PDLIM1: variants seen among roughly 807,000 people sequenced by gnomAD.
PDLIM1 encodes PDZ and LIM domain protein 1.
Under a neutral mutation model 35.2 loss-of-function variants are expected in PDLIM1, and 25 were observed. The observed-to-expected ratio is 0.71, with a 90% confidence interval of 0.52 to 0.99. PDLIM1 has a LOEUF of 0.99. Among genes scored for constraint, PDLIM1 ranks in the 50% least tolerant of loss-of-function variants. PDLIM1 has a pLI of 0.00. For missense variants in PDLIM1, 363 were observed against 415.3 expected (o/e 0.87, Z 1.09); for synonymous variants, 152 against 154.0 (o/e 0.99, Z 0.10).
chr10:95,262,774 G>A (rs574659717), intron 4 of PDLIM1, among the ~76,000 whole-genome samples: 1 of 152,262 alleles, frequency 6.6e-6, no homozygotes, highest in Non-Finnish European at 1.5e-5. Flanking sequence ...GATTCCCAGT[G>A]TTTCTGGATT....
Position 95,247,480 on chromosome 10 carries a change from C to T in PDLIM1, c.534-114G>A. 16 of 831,300 alleles carry T rather than the reference C, an allele frequency of 1.9e-5. No individual in the cohort carries two copies. The Middle Eastern group carries it at 1.6e-3, about 81-fold the overall frequency. The allele number at this position is 831,300 out of a possible 1,614,324, so 51.5% of individuals were successfully genotyped here. The stretch of plus-strand genomic sequence containing the variant: ...TTTGAAGGATGGATAGAAATGATCT[C>T]AAAGCCCTCTCCTAAATCAGCCACA... On this transcript the variant is annotated intron_variant, in intron 4 of 6. Transcript: ENST00000329399.
At chr10:95,267,208 C>T (rs1406258809) in intron 3 of PDLIM1, among the ~76,000 whole-genome samples, 1 of 152,052 alleles carries the variant, frequency 6.6e-6, no homozygotes, top group African/African-American at 2.4e-5. Flanking sequence ...CAGGTAACTA[C>T]AGATTTAAAA....
chr10:95,280,246 G>GCA (rs1441840108), intron 1 of PDLIM1, among the ~76,000 whole-genome samples: 1 of 152,070 alleles, frequency 6.6e-6, no homozygotes, highest in Non-Finnish European at 1.5e-5. Context: ...GTGGTGGCAG[G>GCA]TGCCTGTAAT....
At chr10:95,264,393 G>T (rs578160187) in intron 3 of PDLIM1, among the ~76,000 whole-genome samples, 1 of 152,208 alleles carries the variant, frequency 6.6e-6, no homozygotes, top group Non-Finnish European at 1.5e-5. Context: ...TCAAGTCAGA[G>T]CTAAAACACG....
chr10:95,269,681 C>T (rs1182217403), intron 2 of PDLIM1, among the ~76,000 whole-genome samples: 1 of 151,806 alleles, frequency 6.6e-6, no homozygotes, highest in East Asian at 1.9e-4. Flanking sequence ...TCATTAGTGT[C>T]GTTGTTTCCT....
chr10:95,256,759 G>T (rs1210393619), intron 4 of PDLIM1, among the ~76,000 whole-genome samples: 1 of 151,538 alleles, frequency 6.6e-6, no homozygotes, highest in South Asian at 2.1e-4. Context: ...ATCACTTGAG[G>T]TCAGGAGTTC....
chr10:95,265,963 C>T (rs1259739648), intron 3 of PDLIM1, among the ~76,000 whole-genome samples: 1 of 151,848 alleles, frequency 6.6e-6, no homozygotes, highest in African/African-American at 2.4e-5. Flanking sequence ...CTTTGGAAAG[C>T]CAACGCAAGA....
At chr10:95,263,144 CAAA>C (rs11433635) in intron 4 of PDLIM1, among the ~76,000 whole-genome samples, 22 of 119,608 alleles carry the variant, frequency 1.8e-4, no homozygotes, top group African/African-American at 3.6e-4. Context: ...AAGCTTGTCT[CAAA>C]AAAAAAAAAA....
At position 95,290,896 on chromosome 10, in the gene PDLIM1, T is replaced by G. The variant is rs1020843158; in HGVS notation, c.20A>C (p.Asp7Ala). 1.4e-5 allele frequency: 22 copies of G among 1,560,878 alleles called. No individual in the cohort carries two copies. Among genetic ancestry groups the G allele is most frequent in the Non-Finnish European group, 1.8e-5 (21 of 1,153,252 alleles). ...GCCCCACGGCCCCGGGCCCTGGAGG[T>G]CTATCTGCTGGGTGGTCATGGCGCG... MTTQQI[D>A]LQGPGPWGFR... Residue 7 changes from aspartate to alanine, a missense_variant, in exon 1 of 7, where the codon GAC becomes GCC. Physicochemically the swap from Asp to Ala is moderately radical, Grantham distance 126. Coordinates refer to ENST00000329399, the MANE Select transcript of PDLIM1 (RefSeq NM_020992.4). This position sits in a 1 kb window ranked among gnomAD's most constrained non-coding sequence, Gnocchi z 4.7.
chr10:95,278,993 A>G (rs2133439212), intron 1 of PDLIM1, among the ~76,000 whole-genome samples: 1 of 152,316 alleles, frequency 6.6e-6, no homozygotes, highest in Middle Eastern at 3.4e-3. Context: ...CTGGCTCAAG[A>G]TTGAAAGCTA....
At chr10:95,250,227 T>C (rs1486805033) in intron 4 of PDLIM1, among the ~76,000 whole-genome samples, 1 of 152,182 alleles carries the variant, frequency 6.6e-6, no homozygotes, top group Non-Finnish European at 1.5e-5. Context: ...AAGATTTTTC[T>C]TCTTCTTTGG....
intron 1 of PDLIM1, among the ~76,000 whole-genome samples, chr10:95,281,706 G>A (rs2133441269): frequency 6.6e-6 from 1 of 152,278 alleles, no homozygotes; most frequent in South Asian, 2.1e-4. Flanking sequence ...TGGCCAAGGT[G>A]GTCTTGAACT....
rs2133405323 is a variant in PDLIM1 at position 95,237,689 on chromosome 10, GAC to G, written c.*234_*235del. The G allele has an allele frequency of 1.9e-6, 1 of 514,836 alleles. No homozygotes were observed. Among genetic ancestry groups the G allele is most frequent in the Admixed American group, 3.3e-5 (1 of 29,880 alleles). The allele number at this position is 514,836 out of a possible 1,614,324, so 31.9% of individuals were successfully genotyped here. On this transcript the variant is annotated 3_prime_UTR_variant, in exon 7 of 7. Transcript: ENST00000329399. ...GCAGAGAAGAACGGTGGGGCGAAGG[GAC>G]ACAGTGTTGCTGACAAGGTGACACT...
At chr10:95,255,839 T>C (rs796975348) in intron 4 of PDLIM1, among the ~76,000 whole-genome samples, 1 of 150,448 alleles carries the variant, frequency 6.6e-6, no homozygotes, top group Non-Finnish European at 1.5e-5. Context: ...AGAAGTAAAA[T>C]TGTATCTGTT....
At chr10:95,242,193 G>T (rs2035184379) in intron 5 of PDLIM1, among the ~76,000 whole-genome samples, 1 of 152,116 alleles carries the variant, frequency 6.6e-6, no homozygotes, top group African/African-American at 2.4e-5. Flanking sequence ...GGTGCATAAG[G>T]AGAAACCACC....
intron 1 of PDLIM1, among the ~76,000 whole-genome samples, chr10:95,284,251 T>C (rs1043114171): frequency 2.0e-5 from 3 of 152,192 alleles, no homozygotes; most frequent in Non-Finnish European, 4.4e-5. Context: ...TTGGGTTATA[T>C]GGTATGGGTA....
chr10:95,273,713 C>T (rs1015535821), intron 1 of PDLIM1, among the ~76,000 whole-genome samples: 1 of 152,154 alleles, frequency 6.6e-6, no homozygotes, highest in Non-Finnish European at 1.5e-5. Context: ...CATCCAGCCA[C>T]TGGGACAGGA....
At chr10:95,262,994 A>T (rs1156681984) in intron 4 of PDLIM1, among the ~76,000 whole-genome samples, 2 of 151,866 alleles carry the variant, frequency 1.3e-5, no homozygotes, top group South Asian at 2.1e-4. Context: ...AAAAAGTAAA[A>T]CTTAGCCAAG....
chr10:95,257,419 C>T (rs939400642), intron 4 of PDLIM1, among the ~76,000 whole-genome samples: 9 of 151,724 alleles, frequency 5.9e-5, no homozygotes, highest in East Asian at 1.9e-4. Flanking sequence ...GCAAAACATA[C>T]GTATAATTAA....
Sources: allele counts gnomAD v4.1 joint callset (sites outside exome capture counted in the v4.1 genomes callset), GRCh38; gene constraint gnomAD v4.1.1; non-coding constraint Gnocchi (gnomAD v3.1); transcripts MANE v1.5; gene names NCBI Gene and HGNC (gene_info 2026-07-23, HGNC 2026-07-21).